MAGI2: variants seen among roughly 807,000 people sequenced by gnomAD.
MAGI2 encodes membrane associated guanylate kinase, WW and PDZ domain containing 2, also known as membrane-associated guanylate kinase, WW and PDZ domain-containing protein 2.
MAGI2 carries 35 observed loss-of-function variants against 133.3 expected under a neutral mutation model. The observed-to-expected ratio is 0.26, with a 90% CI of 0.20 to 0.35. MAGI2 has a LOEUF of 0.35. MAGI2 is among the 10% of genes least tolerant of loss of function. MAGI2 has a pLI of 1.00. For missense variants in MAGI2, 1,636 were observed against 1,863.4 expected (o/e 0.88, Z 2.25); for synonymous variants, 729 against 710.6 (o/e 1.03, Z -0.41).
chr7:79,433,184 C>T (rs1847892661), intron 1 of MAGI2, among the ~76,000 whole-genome samples: 2 of 152,100 alleles, frequency 1.3e-5, no homozygotes, highest in Non-Finnish European at 2.9e-5. Flanking sequence ...ATGAGGTGGG[C>T]TAGCGATGCT....
chr7:79,292,997 T>A (rs980286505), intron 1 of MAGI2, among the ~76,000 whole-genome samples: 1 of 152,174 alleles, frequency 6.6e-6, no homozygotes, highest in Admixed American at 6.6e-5. Context: ...CGGAAAAATT[T>A]CAAACTCCTC....
chr7:78,472,222 T>C (rs11975402), intron 6 of MAGI2, among the ~76,000 whole-genome samples: 25,179 of 152,084 alleles, frequency 0.17, 2,173 homozygotes, highest in South Asian at 0.24. Flanking sequence ...ACTTTATTTT[T>C]CCAATCTGTA....
At chr7:78,108,340 T>A (rs1385962465) in intron 20 of MAGI2, among the ~76,000 whole-genome samples, 4 of 152,242 alleles carry the variant, frequency 2.6e-5, no homozygotes, top group Non-Finnish European at 1.5e-5. Flanking sequence ...GAGAAGATAC[T>A]TGATACAATT....
intron 10 of MAGI2, among the ~76,000 whole-genome samples, chr7:78,234,548 TTATAA>T (rs1433439614): frequency 4.6e-5 from 5 of 108,686 alleles, no homozygotes; most frequent in Non-Finnish European, 2.2e-5. Context: ...TTTATATTCA[TTATAA>T]TATAATGAAT....
intron 1 of MAGI2, among the ~76,000 whole-genome samples, chr7:79,416,795 C>T (rs1443013505): frequency 1.5e-5 from 2 of 134,478 alleles, no homozygotes; most frequent in African/African-American, 2.9e-5. Flanking sequence ...AGTGCAGTGG[C>T]GCAATCTCAG....
At chr7:78,257,535 GA>G (rs1793114397) in intron 9 of MAGI2, among the ~76,000 whole-genome samples, 1 of 152,174 alleles carries the variant, frequency 6.6e-6, no homozygotes. Flanking sequence ...TTTATGATTA[GA>G]AATGCTCTGA....
chr7:78,714,960 G>A (rs532354750), intron 2 of MAGI2, among the ~76,000 whole-genome samples: 3 of 152,190 alleles, frequency 2.0e-5, no homozygotes, highest in Non-Finnish European at 4.4e-5. Flanking sequence ...AAGCGCTAGA[G>A]TTTTCAATTT....
chr7:78,798,020 T>G (rs1451234721), intron 2 of MAGI2, among the ~76,000 whole-genome samples: 1 of 152,162 alleles, frequency 6.6e-6, no homozygotes, highest in Non-Finnish European at 1.5e-5. Flanking sequence ...TTTTATTATT[T>G]CTGTTCAGTT....
At chr7:78,904,100 C>A (rs1314590002) in intron 2 of MAGI2, 4 of 152,194 alleles carry the variant, frequency 2.6e-5, no homozygotes, top group African/African-American at 9.7e-5. Flanking sequence ...CCAGTGGCTG[C>A]AGCTCCACTA....
At chr7:78,625,882 T>A (rs184356904) in intron 3 of MAGI2, among the ~76,000 whole-genome samples, 33 of 152,330 alleles carry the variant, frequency 2.2e-4, no homozygotes, top group Admixed American at 3.9e-4. Flanking sequence ...CAGATTACAG[T>A]ACATAGCCTA....
At chr7:78,844,893 G>C (rs146327481) in intron 2 of MAGI2, among the ~76,000 whole-genome samples, 328 of 151,992 alleles carry the variant, frequency 2.2e-3, no homozygotes, top group African/African-American at 7.6e-3. Context: ...TATGCTGAAA[G>C]AAGTAGAGAA....
chr7:79,210,838 C>T lies in MAGI2; in HGVS notation c.302-203632G>A, dbSNP rs555397246. Among the ~76,000 whole-genome samples the T allele has an allele frequency of 1.3e-4, 20 of 152,112 alleles. No individual in the cohort carries two copies. The South Asian group carries it at 4.1e-3, about 31-fold the overall frequency. On this transcript the variant is annotated intron_variant, in intron 1 of 21. Coordinates refer to ENST00000354212, the MANE Select transcript of MAGI2 (RefSeq NM_012301.4). ...TTAAATAACAGATATATTATTCTTC[C>T]TGCAACAGTTCATGTCTAATTGGCA...
intron 21 of MAGI2, among the ~76,000 whole-genome samples, chr7:78,021,139 CA>C: frequency 6.6e-6 from 1 of 152,206 alleles, no homozygotes; most frequent in South Asian, 2.1e-4. Context: ...CTGTGAGCAA[CA>C]ACAGTTCCCT....
chr7:78,392,591 A>T (rs1171764124), intron 6 of MAGI2, among the ~76,000 whole-genome samples: 4 of 152,156 alleles, frequency 2.6e-5, no homozygotes, highest in Admixed American at 6.6e-5. Context: ...GGAACAACAT[A>T]ATTGCTACAT....
chr7:79,422,566 G>A (rs903001213), intron 1 of MAGI2, among the ~76,000 whole-genome samples: 1 of 151,858 alleles, frequency 6.6e-6, no homozygotes, highest in Non-Finnish European at 1.5e-5. Context: ...ATTCCACACT[G>A]ACAAAAAATA....
At chr7:78,725,087 T>C (rs1322414416) in intron 2 of MAGI2, among the ~76,000 whole-genome samples, 1 of 152,234 alleles carries the variant, frequency 6.6e-6, no homozygotes, top group Non-Finnish European at 1.5e-5. Flanking sequence ...TAAAACAACG[T>C]TGCATTTTTA....
chr7:78,262,320 T>C (rs1408372225), intron 9 of MAGI2, among the ~76,000 whole-genome samples: 1 of 152,206 alleles, frequency 6.6e-6, no homozygotes, highest in Non-Finnish European at 1.5e-5. Context: ...ACTTTATAAA[T>C]GACACTGTGA....
intron 3 of MAGI2, among the ~76,000 whole-genome samples, chr7:78,573,076 T>TATATATATATATAC (rs1230373322): frequency 1.9e-5 from 1 of 52,582 alleles, no homozygotes; most frequent in African/African-American, 9.3e-5. Flanking sequence ...TATATATATA[T>TATATATATATATAC]ACACACACAC....
chr7:78,730,748 CACAG>C (rs900871959), intron 2 of MAGI2, among the ~76,000 whole-genome samples: 21 of 152,032 alleles, frequency 1.4e-4, no homozygotes, highest in Admixed American at 1.2e-3. Context: ...CGCTGGGAAA[CACAG>C]ACAAACATTA....
Sources: allele counts gnomAD v4.1 joint callset (sites outside exome capture counted in the v4.1 genomes callset), GRCh38; gene constraint gnomAD v4.1.1; transcripts MANE v1.5; gene names NCBI Gene and HGNC (gene_info 2026-07-23, HGNC 2026-07-21).